TBCCD1: variants seen among roughly 807,000 people sequenced by gnomAD.
TBCCD1 encodes the protein TBCC domain-containing protein 1.
Under a neutral mutation model 53.4 loss-of-function variants are expected in TBCCD1, and 26 were observed. That is an observed-to-expected ratio of 0.49 (90% CI 0.36 to 0.68). The LOEUF (loss-of-function observed/expected upper bound fraction) is 0.68, where lower values mean the gene tolerates loss of function less well. Ranked by LOEUF, TBCCD1 falls within the 30% of genes least tolerant of loss-of-function variation. TBCCD1 has a pLI of 0.00. For missense variants in TBCCD1, 558 were observed against 669.5 expected, an observed-to-expected ratio of 0.83 and a Z score of 1.84; for synonymous variants, 245 against 241.7, an observed-to-expected ratio of 1.01 and a Z score of -0.13.
Position 186,548,515 on chromosome 3 carries a change from C to A in TBCCD1, c.*22-1560G>T, listed in dbSNP as rs190977977. ...TCTTTACTTTAAAAAGGTGAATTTA[C>A]TTCCCATAATGTTATGTGGTAATAT... is the stretch of plus-strand genomic sequence containing the variant. On this transcript the variant is annotated intron_variant, in intron 7 of 7. Coordinates refer to ENST00000338733, the MANE Select transcript of TBCCD1 (RefSeq NM_018138.5). Among the ~76,000 whole-genome samples the A allele has an allele frequency of 7.6e-4, 116 of 152,306 alleles. 1 individual carries two copies. The highest frequency in any genetic ancestry group is 1.4e-3 in the Non-Finnish European group (98 of 68,026).
intron 2 of TBCCD1, among the ~76,000 whole-genome samples, chr3:186,563,739 C>G (rs1714746268): frequency 6.6e-6 from 1 of 152,114 alleles, no homozygotes. Flanking sequence ...AGCCTAAAAC[C>G]TAAAATTTTA....
In TBCCD1 at chr3:186,554,653, G is replaced by C. The variant is rs745424776; in HGVS notation, c.1145C>G (p.Ala382Gly). 8 of 1,614,214 alleles carry C rather than the reference G, an allele frequency of 5.0e-6. No homozygotes were observed. Among genetic ancestry groups the C allele is most frequent in the Non-Finnish European group, 6.8e-6 (8 of 1,180,028 alleles). ...AGAGATGGACAAACGATGGCAAACA[G>C]CAATGACTTTAACATTGTCACAACT... Reference protein sequence around the residue: ...LHSCDNVKVIAVCHRLSISST... With the variant: ...LHSCDNVKVIGVCHRLSISST... The change falls in exon 6 of 8, where the codon GCT becomes GGT. Residue 382 changes from alanine to glycine, a missense_variant. Physicochemically the swap from Ala to Gly is moderately conservative, Grantham distance 60. Transcript: ENST00000338733.
chr3:186,563,865 A>G, intron 2 of TBCCD1, 129 bp downstream of exon 2: 1 of 1,167,672 alleles, frequency 8.6e-7, no homozygotes, highest in South Asian at 1.7e-5. Flanking sequence ...GGAGTTCAAG[A>G]CCAGCCTGGG....
At chr3:186,562,459 C>T (rs1482976497) in intron 2 of TBCCD1, among the ~76,000 whole-genome samples, 4 of 152,100 alleles carry the variant, frequency 2.6e-5, no homozygotes, top group Non-Finnish European at 5.9e-5. Flanking sequence ...TGTAATCTCA[C>T]TTATATGTGG....
intron 4 of TBCCD1, among the ~76,000 whole-genome samples, chr3:186,555,731 G>C (rs1714521873): frequency 6.6e-6 from 1 of 152,046 alleles, no homozygotes. Context: ...GCTAATTTTT[G>C]TATTTTTAGT....
Position 186,554,641 on chromosome 3 carries a change from C to G in TBCCD1, c.1157G>C (p.Arg386Pro), listed in dbSNP as rs1265176630. 1 of 1,613,938 alleles carries G rather than the reference C, an allele frequency of 6.2e-7. No individual in the cohort carries two copies. Among genetic ancestry groups the G allele is most frequent in the Non-Finnish European group, 8.5e-7 (1 of 1,180,016 alleles). Reference protein sequence around the residue: ...DNVKVIAVCHRLSISSTTGCI... With the variant: ...DNVKVIAVCHPLSISSTTGCI... ...ACCTGTTGTAGAAGAGATGGACAAA[C>G]GATGGCAAACAGCAATGACTTTAAC... Residue 386 changes from arginine (R) to proline (P), a missense_variant, in exon 6 of 8, where the codon CGT becomes CCT. Coordinates refer to ENST00000338733, the MANE Select transcript of TBCCD1 (RefSeq NM_018138.5).
rs1714230513 is a variant in TBCCD1 at position 186,546,938 on chromosome 3, C to T, written c.*39G>A. The T allele has an allele frequency of 6.6e-6, 1 of 151,812 alleles. No individual in the cohort carries two copies. The highest frequency in any genetic ancestry group is 1.5e-5 in the Non-Finnish European group (1 of 67,992). 9.4% of individuals were successfully genotyped at this position (151,812 alleles called of 1,614,324 possible). Reference sequence around the variant, plus strand: ...AAGATGAGCACCATCCTCCATTTATCCTTGTATTTCCAGGGCCCTGAAGAT... The same window carrying T: ...AAGATGAGCACCATCCTCCATTTATTCTTGTATTTCCAGGGCCCTGAAGAT... On this transcript the variant is annotated 3_prime_UTR_variant, in exon 8 of 8. Coordinates refer to ENST00000338733, the MANE Select transcript of TBCCD1 (RefSeq NM_018138.5).
chr3:186,566,730 AGAG>A (rs1165087157), intron 1 of TBCCD1, among the ~76,000 whole-genome samples: 1 of 152,254 alleles, frequency 6.6e-6, no homozygotes, highest in Non-Finnish European at 1.5e-5. Flanking sequence ...AGAACCAGGG[AGAG>A]TAAACTCAAA....
At chr3:186,568,087 T>C (rs1290103219), upstream of TBCCD1, among the ~76,000 whole-genome samples, 3 of 152,226 alleles carry the variant, frequency 2.0e-5, no homozygotes, top group Non-Finnish European at 4.4e-5. Flanking sequence ...CTCTTTTGTG[T>C]GGCCATTGTC....
intron 6 of TBCCD1, among the ~76,000 whole-genome samples, chr3:186,552,247 G>A (rs966311384): frequency 1.3e-5 from 2 of 152,080 alleles, no homozygotes; most frequent in Non-Finnish European, 1.5e-5. Flanking sequence ...AAGTGAGAGC[G>A]TATTTCACAT....
chr3:186,557,129 T>C (rs1256313356), intron 3 of TBCCD1, among the ~76,000 whole-genome samples: 1 of 152,210 alleles, frequency 6.6e-6, no homozygotes, highest in Non-Finnish European at 1.5e-5. Flanking sequence ...TACTCAAGTG[T>C]CCACCCCGGT....
chr3:186,564,268 T>C lies in TBCCD1; in HGVS notation c.62A>G (p.Gln21Arg). 1 of 1,614,194 alleles carries C rather than the reference T, an allele frequency of 6.2e-7. No homozygotes were observed. The highest frequency in any genetic ancestry group is 8.5e-7 in the Non-Finnish European group (1 of 1,180,030). ...KAEPFIVGAL[Q>R]VPPPSKFSLH... ...ACTAAACTTGGATGGAGGGGGGACC[T>C]GCAAGGCACCCACTATAAAGGGTTC... Residue 21 changes from glutamine to arginine, a missense_variant, in exon 2 of 8, where the codon CAG (glutamine) becomes CGG (arginine). Physicochemically the swap from Gln to Arg is conservative, Grantham distance 43. Transcript: ENST00000338733.
At position 186,564,017 on chromosome 3, in the gene TBCCD1, C is replaced by T. The variant is rs779591299; in HGVS notation, c.313G>A (p.Glu105Lys). The T allele has an allele frequency of 1.9e-6, 3 of 1,611,158 alleles. No individual in the cohort carries two copies. Among genetic ancestry groups the T allele is most frequent in the Non-Finnish European group, 2.5e-6 (3 of 1,178,220 alleles). Reference protein sequence around the residue: ...EVLSNCMSEEEVEKQRNQLSV... With the variant: ...EVLSNCMSEEKVEKQRNQLSV... ...ACCTGATTTCTCTGCTTTTCAACTT[C>T]CTCCTCAGACATGCAGTTGGACAGA... The change falls in exon 2 of 8, where the codon GAA (glutamate) becomes AAA (lysine). Residue 105 changes from glutamate to lysine, a missense_variant. Glu to Lys is a moderately conservative substitution (Grantham distance 56). Transcript: ENST00000338733.
rs1430208882 is a variant in TBCCD1, at chr3:186,555,079, C to G, written c.865G>C (p.Gly289Arg). The change falls in exon 5 of 8, where the codon GGG becomes CGG. Residue 289 changes from glycine to arginine, a missense_variant. Gly to Arg is a moderately radical substitution (Grantham distance 125). Transcript: ENST00000338733. The part of the protein sequence containing the change: ...KKLAWAHQVE[G>R]TTKRAKIACN... Reference sequence around the variant, plus strand: ...GCAATCTTAGCTCTTTTGGTGGTCCCTTCAACTATTTAAGAAAACATATAA... The same window carrying G: ...GCAATCTTAGCTCTTTTGGTGGTCCGTTCAACTATTTAAGAAAACATATAA... The G allele has an allele frequency of 1.3e-6, 2 of 1,592,064 alleles. No individual in the cohort carries two copies. Among genetic ancestry groups the G allele is most frequent in the South Asian group, 1.1e-5 (1 of 87,744 alleles).
At chr3:186,567,195 A>G (rs1714858305) in intron 1 of TBCCD1, 72 bp downstream of exon 1, 1 of 152,216 alleles carries the variant, frequency 6.6e-6, no homozygotes, top group South Asian at 2.1e-4. Flanking sequence ...GCGCGAAGGC[A>G]GCCTCCTCGA....
In TBCCD1 at chr3:186,554,576, G is replaced by T. The variant is rs144688490; in HGVS notation, c.1222C>A (p.Leu408Ile). ...AAAGTTACTGTCTGGTTCCCAGAGA[G>T]AATAAGTGGGCGTGTAGGCGTAAGA... ...HVLTPTRPLI[L>I]SGNQTVTFAP... The change falls in exon 6 of 8, where the codon CTC becomes ATC. Residue 408 changes from leucine to isoleucine, a missense_variant. Leu to Ile is a conservative substitution (Grantham distance 5, BLOSUM62 2). Coordinates refer to ENST00000338733, the MANE Select transcript of TBCCD1 (RefSeq NM_018138.5). 6.2e-7 allele frequency: 1 copy of T among 1,614,220 alleles called. No individual in the cohort carries two copies. The highest frequency in any genetic ancestry group is 1.3e-5 in the African/African-American group (1 of 75,062).
At position 186,551,800 on chromosome 3, in the gene TBCCD1, C is replaced by A. The variant is rs1303345818; in HGVS notation, c.1545-521G>T. Among the ~76,000 whole-genome samples, 3 of 152,150 alleles carry A rather than the reference C, an allele frequency of 2.0e-5. No homozygotes were observed. The East Asian group carries it at 5.8e-4, about 29-fold the overall frequency. Reference sequence around the variant, plus strand: ...GACCAGCCTGGCTAACATGGTGAAACCCTGTCTCTACAAAAAATATAAAAA... The same window carrying A: ...GACCAGCCTGGCTAACATGGTGAAAACCTGTCTCTACAAAAAATATAAAAA... On this transcript the variant is annotated intron_variant, in intron 6 of 7. Transcript: ENST00000338733.
chr3:186,563,135 C>A (rs1003583259), intron 2 of TBCCD1, among the ~76,000 whole-genome samples: 1 of 152,168 alleles, frequency 6.6e-6, no homozygotes, highest in Non-Finnish European at 1.5e-5. Flanking sequence ...CCCTGGTCAT[C>A]GCTTGGATGA....
At chr3:186,567,204 G>C (rs1422899898) in intron 1 of TBCCD1, 63 bp downstream of exon 1, 1 of 152,254 alleles carries the variant, frequency 6.6e-6, no homozygotes, top group Non-Finnish European at 1.5e-5. Context: ...CAGCCTCCTC[G>C]ACCCAAGCCT....
Sources: allele counts gnomAD v4.1 joint callset (sites outside exome capture counted in the v4.1 genomes callset), GRCh38; gene constraint gnomAD v4.1.1; transcripts MANE v1.5; gene names NCBI Gene and HGNC (gene_info 2026-07-23, HGNC 2026-07-21).